Variants in FBLN2 observed in about 807,000 individuals in gnomAD.
FBLN2 encodes the protein fibulin 2, also known as fibulin-2.
A neutral mutation model predicts 123.7 loss-of-function variants in FBLN2; 81 were observed. That is an observed-to-expected ratio of 0.65 (90% confidence interval 0.55 to 0.79). The LOEUF (loss-of-function observed/expected upper bound fraction) is 0.79, where lower values mean the gene tolerates loss of function less well. FBLN2 is among the 30% of genes least tolerant of loss of function. FBLN2 has a pLI of 0.00. For missense variants in FBLN2, 1,603 were observed against 1,681.3 expected (o/e 0.95, Z 0.81); for synonymous variants, 699 against 701.4 (o/e 1.00, Z 0.05).
chr3:13,550,172 TC>T (rs1703283432), intron 1 of FBLN2, among the ~76,000 whole-genome samples: 1 of 152,140 alleles, frequency 6.6e-6, no homozygotes, highest in South Asian at 2.1e-4. Flanking sequence ...TGGGCAGTCC[TC>T]CCCTGTCCTA....
intron 2 of FBLN2, among the ~76,000 whole-genome samples, chr3:13,590,479 C>T (rs1419745343): frequency 3.9e-5 from 6 of 152,136 alleles, no homozygotes; most frequent in East Asian, 1.9e-4. Flanking sequence ...GTGCCCACCA[C>T]GATGCCTGGC....
chr3:13,600,800 G>A (rs1323820758), intron 2 of FBLN2, among the ~76,000 whole-genome samples: 2 of 152,108 alleles, frequency 1.3e-5, no homozygotes, highest in Admixed American at 1.3e-4. Flanking sequence ...ACTTTTAGTA[G>A]AGATGGGTTT....
chr3:13,636,457 G>A lies in FBLN2; in HGVS notation c.3227G>A (p.Cys1076Tyr). ...NGRSCKDVDE[C>Y]ALGTHNCSEA... ...TCTTCTCCCCCAGACGTGGATGAGT[G>A]TGCACTGGGTACCCACAACTGTTCC... Residue 1076 changes from cysteine (C) to tyrosine (Y), a missense_variant, in exon 17 of 18, where the codon TGT becomes TAT. Transcript: ENST00000404922. 6.2e-7 allele frequency: 1 copy of A among 1,613,706 alleles called. No individual in the cohort carries two copies.
intron 2 of FBLN2, among the ~76,000 whole-genome samples, chr3:13,604,998 G>A (rs1276585494): frequency 6.6e-6 from 1 of 152,226 alleles, no homozygotes; most frequent in Non-Finnish European, 1.5e-5. Flanking sequence ...GTGGGCCTTA[G>A]CACCTACACA....
intron 9 of FBLN2, among the ~76,000 whole-genome samples, chr3:13,625,674 A>G (rs1297172745): frequency 6.6e-6 from 1 of 151,916 alleles, no homozygotes; most frequent in Non-Finnish European, 1.5e-5. Flanking sequence ...CAGCTTCACA[A>G]TACTTCAGAA....
intron 1 of FBLN2, among the ~76,000 whole-genome samples, chr3:13,551,030 C>T (rs1268348084): frequency 6.6e-6 from 1 of 152,204 alleles, no homozygotes; most frequent in Non-Finnish European, 1.5e-5. Flanking sequence ...TGCTGCCCAC[C>T]CCCAACCCAG....
rs140338277 is a variant in FBLN2, at chr3:13,632,033, C to T, written c.3214+576C>T. On this transcript the variant is annotated intron_variant, in intron 16 of 17. Coordinates refer to ENST00000404922, the MANE Select transcript of FBLN2 (RefSeq NM_001004019.2). Reference sequence around the variant, plus strand: ...TGAGGATGTACAAGAGCTGGGCAGTCACCTGTGGAATTTGCAAGAGAGGGG... The same window carrying T: ...TGAGGATGTACAAGAGCTGGGCAGTTACCTGTGGAATTTGCAAGAGAGGGG... Among the ~76,000 whole-genome samples, 613 of 152,314 alleles carry T rather than the reference C, an allele frequency of 4.0e-3. 3 individuals carry two copies. Among genetic ancestry groups the T allele is most frequent in the African/African-American group, 5.8e-3 (242 of 41,570 alleles).
chr3:13,570,928 A>G lies in FBLN2; in HGVS notation c.573A>G (p.Arg191=). 1.2e-6 allele frequency: 2 copies of G among 1,612,894 alleles called. No homozygotes were observed. The highest frequency in any genetic ancestry group is 2.2e-5 in the East Asian group (1 of 44,858). Residue 191 remains arginine, a synonymous_variant, in exon 2 of 18, where the codon CGA becomes CGG. Transcript: ENST00000404922. ...ATGCCGAGGAGGGTGACCCCGAGCGACACTACGAAGACCCCTACAGCTATG... is the reference window on the plus strand; with the variant it reads ...ATGCCGAGGAGGGTGACCCCGAGCGGCACTACGAAGACCCCTACAGCTATG... ...FSDAEEGDPE[R]HYEDPYSYDQ...
At chr3:13,633,869 C>T (rs1156905700) in intron 16 of FBLN2, among the ~76,000 whole-genome samples, 1 of 151,854 alleles carries the variant, frequency 6.6e-6, no homozygotes, top group Non-Finnish European at 1.5e-5. Context: ...CAGTTGACCC[C>T]ATGACTGAGC....
chr3:13,578,126 C>G (rs563182032), intron 2 of FBLN2, among the ~76,000 whole-genome samples: 90 of 152,362 alleles, frequency 5.9e-4, no homozygotes, highest in African/African-American at 2.1e-3. Flanking sequence ...GGGGCCAAGG[C>G]TAGGCCTGCG....
intron 9 of FBLN2, among the ~76,000 whole-genome samples, chr3:13,624,948 G>A (rs1371972786): frequency 2.6e-5 from 4 of 152,304 alleles, no homozygotes; most frequent in Non-Finnish European, 4.4e-5. Flanking sequence ...TGTGGCCCCT[G>A]GGCAGTTCCT....
At chr3:13,614,553 A>G (rs899406312) in intron 5 of FBLN2, among the ~76,000 whole-genome samples, 3 of 149,854 alleles carry the variant, frequency 2.0e-5, no homozygotes, top group African/African-American at 7.5e-5. Context: ...TCACTCCCTC[A>G]TTCATCCTCT....
chr3:13,612,475 G>A, intron 4 of FBLN2, among the ~76,000 whole-genome samples: 1 of 151,722 alleles, frequency 6.6e-6, no homozygotes, highest in East Asian at 1.9e-4. Context: ...CCGCCTCCCA[G>A]GTTCATGCCA....
intron 4 of FBLN2, among the ~76,000 whole-genome samples, chr3:13,612,294 C>CCTTCCTTTCTTTCTTTCTTT (rs1553620958): frequency 8.5e-6 from 1 of 117,284 alleles, no homozygotes; most frequent in African/African-American, 4.0e-5. Context: ...CTTTTATTTT[C>CCTTCCTTTCTTTCTTTCTTT]CTTTCTTTCT....
intron 1 of FBLN2, among the ~76,000 whole-genome samples, chr3:13,557,053 C>T (rs1273697088): frequency 6.6e-6 from 1 of 152,274 alleles, no homozygotes; most frequent in Admixed American, 6.5e-5. Flanking sequence ...GCTGTTTCTT[C>T]CTCTGCAGGT....
intron 4 of FBLN2, among the ~76,000 whole-genome samples, chr3:13,610,797 A>G (rs1008307891): frequency 1.5e-4 from 23 of 152,232 alleles, no homozygotes; most frequent in African/African-American, 5.1e-4. Flanking sequence ...GTCATCAGGA[A>G]TGGGGCACAG....
chr3:13,628,003 C>T (rs936830191), intron 11 of FBLN2, 34 bp downstream of exon 11: 2 of 1,601,396 alleles, frequency 1.2e-6, no homozygotes, highest in Non-Finnish European at 1.7e-6. Context: ...GGATCATCAG[C>T]CTAGGGCTCT....
At chr3:13,608,865 C>T (rs746075522) in intron 3 of FBLN2, among the ~76,000 whole-genome samples, 1 of 151,800 alleles carries the variant, frequency 6.6e-6, no homozygotes, top group Non-Finnish European at 1.5e-5. Context: ...TCCCAATGTC[C>T]AGACCACTCT....
chr3:13,630,832 C>T lies in FBLN2; in HGVS notation c.3085+17C>T. 3 of 1,554,212 alleles carry T rather than the reference C, an allele frequency of 1.9e-6. No homozygotes were observed. The highest frequency in any genetic ancestry group is 2.6e-6 in the Non-Finnish European group (3 of 1,140,086). ...CCTGCACAGGTACCTCTCCCCTGTC[C>T]AAGGGCCCCCTTCCAGAGAGTCACT... is the stretch of plus-strand genomic sequence containing the variant. On this transcript the variant is annotated intron_variant, in intron 15 of 17. Transcript: ENST00000404922.
Sources: allele counts gnomAD v4.1 joint callset (sites outside exome capture counted in the v4.1 genomes callset), GRCh38; gene constraint gnomAD v4.1.1; transcripts MANE v1.5; gene names NCBI Gene and HGNC (gene_info 2026-07-23, HGNC 2026-07-21).